Variants in NRXN1 observed in about 807,000 individuals in gnomAD.
NRXN1 encodes the protein neurexin-1.
Under a neutral mutation model 150.9 loss-of-function variants are expected in NRXN1, and 39 were observed. The ratio of observed to expected loss-of-function variants is 0.26; its 90% CI spans 0.20 to 0.34. NRXN1 has a LOEUF of 0.34. NRXN1 is among the 10% of genes least tolerant of loss of function. The pLI is 1.00. For synonymous variants in NRXN1, 924 were observed against 757.0 expected, an observed-to-expected ratio of 1.22 and a Z score of -3.62; for missense variants, 1,815 against 1,949.9, an observed-to-expected ratio of 0.93 and a Z score of 1.30.
intron 17 of NRXN1, among the ~76,000 whole-genome samples, chr2:50,243,521 G>A (rs2066224831): frequency 6.6e-6 from 1 of 151,698 alleles, no homozygotes; most frequent in South Asian, 2.1e-4. Flanking sequence ...AAACTTGTGA[G>A]CACACTATTT....
intron 5 of NRXN1, among the ~76,000 whole-genome samples, chr2:50,818,192 GT>G (rs369379043): frequency 8.8e-4 from 119 of 135,780 alleles, no homozygotes; most frequent in Middle Eastern, 7.8e-3. Flanking sequence ...AAAAACAATT[GT>G]TTTTTTTTTT....
At chr2:50,959,041 T>C (rs1472311338) in intron 2 of NRXN1, among the ~76,000 whole-genome samples, 2 of 152,130 alleles carry the variant, frequency 1.3e-5, no homozygotes, top group African/African-American at 4.8e-5. Context: ...ATATGATCTA[T>C]AGTTTTTTAA....
chr2:50,848,987 C>G (rs780427614), intron 5 of NRXN1, among the ~76,000 whole-genome samples: 1 of 152,208 alleles, frequency 6.6e-6, no homozygotes, highest in Non-Finnish European at 1.5e-5. Flanking sequence ...CTCTGTCCAA[C>G]TAACCCATCA....
At chr2:50,329,743 G>A (rs2076710521) in intron 17 of NRXN1, among the ~76,000 whole-genome samples, 1 of 140,662 alleles carries the variant, frequency 7.1e-6, no homozygotes, top group South Asian at 2.4e-4. Flanking sequence ...GAGCAACCTC[G>A]GCTCACTGCA....
At chr2:50,207,809 G>C (rs1476380020) in intron 18 of NRXN1, 3 of 162,090 alleles carry the variant, frequency 1.9e-5, no homozygotes, top group Non-Finnish European at 4.4e-5. Context: ...TTAATATCTT[G>C]GCCCAAAGTT....
chr2:50,384,021 A>G (rs1170878004), intron 17 of NRXN1, among the ~76,000 whole-genome samples: 6 of 152,222 alleles, frequency 3.9e-5, no homozygotes, highest in Non-Finnish European at 8.8e-5. Context: ...AGTAAAGGAA[A>G]GGAGAAACCT....
At position 50,657,114 on chromosome 2, in the gene NRXN1, C is replaced by T. The variant is rs144684190; in HGVS notation, c.833-33499G>A. ...AAAAGCCAAAATCCTGAGGATAGCC[C>T]GTAACTCTATACAATCTGGTCCACC... On this transcript the variant is annotated intron_variant, in intron 5 of 22. Transcript: ENST00000401669. Among the ~76,000 whole-genome samples the T allele has an allele frequency of 1.1e-3, 163 of 152,078 alleles. 4 individuals are homozygous for T. In the East Asian group the frequency reaches 0.028, roughly 26 times the overall value.
At chr2:50,610,419 C>T (rs943003870) in intron 8 of NRXN1, among the ~76,000 whole-genome samples, 1 of 151,374 alleles carries the variant, frequency 6.6e-6, no homozygotes, top group African/African-American at 2.4e-5. Context: ...ACTCAGATTA[C>T]TTGATTACCT....
At chr2:50,262,062 C>G (rs2068345362) in intron 17 of NRXN1, among the ~76,000 whole-genome samples, 1 of 151,872 alleles carries the variant, frequency 6.6e-6, no homozygotes, top group Non-Finnish European at 1.5e-5. Context: ...GTACACTGAG[C>G]ATGAAGTAGA....
At chr2:50,288,235 A>T (rs1196867989) in intron 17 of NRXN1, among the ~76,000 whole-genome samples, 1 of 152,106 alleles carries the variant, frequency 6.6e-6, no homozygotes, top group Non-Finnish European at 1.5e-5. Flanking sequence ...AGAAGATTTT[A>T]CTTCCAGGGA....
At chr2:50,027,785 C>T (rs1274551934) in intron 21 of NRXN1, among the ~76,000 whole-genome samples, 1 of 152,128 alleles carries the variant, frequency 6.6e-6, no homozygotes, top group African/African-American at 2.4e-5. Context: ...GTCTCCTAAA[C>T]AGGGGAAACT....
At chr2:50,505,319 T>C (rs1367190794) in intron 13 of NRXN1, among the ~76,000 whole-genome samples, 2 of 152,166 alleles carry the variant, frequency 1.3e-5, no homozygotes, top group South Asian at 2.1e-4. Context: ...GAGTGCCACT[T>C]ACCTCATCTA....
intron 12 of NRXN1, among the ~76,000 whole-genome samples, chr2:50,517,695 C>G (rs574509485): frequency 3.3e-5 from 5 of 152,104 alleles, no homozygotes; most frequent in African/African-American, 1.2e-4. Context: ...ACAAAATGAC[C>G]TAAGGTTAGC....
chr2:50,618,800 A>G (rs1445525453), intron 8 of NRXN1, among the ~76,000 whole-genome samples: 2 of 151,074 alleles, frequency 1.3e-5, no homozygotes, highest in Admixed American at 6.6e-5. Context: ...AATAATAATT[A>G]GATTATCATC....
At chr2:50,373,626 A>AAAAGAAAGAAAGAAAGAAAGAAAGAAAG (rs202127677) in intron 17 of NRXN1, among the ~76,000 whole-genome samples, 1 of 98,538 alleles carries the variant, frequency 1.0e-5, no homozygotes, top group Non-Finnish European at 1.9e-5. Context: ...AGAGAGAAAG[A>AAAAGAAAGAAAGAAAGAAAGAAAGAAAG]AAAGAAAGAA....
chr2:50,751,277 A>G (rs1376080327), intron 5 of NRXN1, among the ~76,000 whole-genome samples: 1 of 152,074 alleles, frequency 6.6e-6, no homozygotes, highest in African/African-American at 2.4e-5. Flanking sequence ...ACATACTACT[A>G]TATACAGCTG....
chr2:50,473,743 C>T (rs144031889), intron 15 of NRXN1, among the ~76,000 whole-genome samples: 94 of 152,134 alleles, frequency 6.2e-4, no homozygotes, highest in African/African-American at 2.0e-3. Flanking sequence ...AGAACTGATA[C>T]ACAGACTGTT....
chr2:50,426,778 T>C (rs1047937652), intron 17 of NRXN1, among the ~76,000 whole-genome samples: 2 of 152,206 alleles, frequency 1.3e-5, no homozygotes, highest in Non-Finnish European at 2.9e-5. Flanking sequence ...AAGATGTTTC[T>C]ATGGTATAAT....
intron 5 of NRXN1, among the ~76,000 whole-genome samples, chr2:50,860,238 TAAAC>T (rs1369705099): frequency 6.6e-6 from 1 of 151,120 alleles, no homozygotes; most frequent in East Asian, 2.0e-4. Context: ...TGTCCTGACA[TAAAC>T]AAGATAACAA....
Sources: allele counts gnomAD v4.1 joint callset (sites outside exome capture counted in the v4.1 genomes callset), GRCh38; gene constraint gnomAD v4.1.1; transcripts MANE v1.5; gene names NCBI Gene and HGNC (gene_info 2026-07-23, HGNC 2026-07-21).